EIF5A: variants seen among roughly 807,000 people sequenced by gnomAD.
EIF5A encodes the protein eukaryotic translation initiation factor 5A, also known as eukaryotic translation initiation factor 5A-1.
Under a neutral mutation model 16.6 loss-of-function variants are expected in EIF5A, and 1 was observed. The observed-to-expected ratio is 0.06, with a 90% CI of 0.02 to 0.28. EIF5A has a LOEUF of 0.28. Among genes scored for constraint, EIF5A ranks in the 10% least tolerant of loss-of-function variants. The pLI, the probability that EIF5A is intolerant of heterozygous loss-of-function variation, is 1.00. For missense variants in EIF5A, 29 were observed against 196.1 expected (o/e 0.15, Z 5.09); for synonymous variants, 80 against 73.6 (o/e 1.09, Z -0.44).
chr17:7,310,241 C>T, intron 2 of EIF5A: 1 of 1,289,924 alleles, frequency 7.8e-7, no homozygotes, highest in Non-Finnish European at 1.0e-6. Flanking sequence ...TTTCAGGTCA[C>T]CTTGCTGCTT....
At chr17:7,308,525 C>T in intron 1 of EIF5A, 3 of 1,351,598 alleles carry the variant, frequency 2.2e-6, no homozygotes, top group Non-Finnish European at 2.9e-6. Context: ...CTCAAGGGCC[C>T]CAGGAGCTTT....
intron 3 of EIF5A, 22 bp from the exon 4 acceptor site, chr17:7,311,328 C>G (rs1189445808): frequency 1.2e-6 from 2 of 1,613,992 alleles, no homozygotes; most frequent in African/African-American, 2.7e-5. Context: ...TACCTTCAGC[C>G]TCCTTCCCTA....
At chr17:7,307,440 A>G (rs1042567523), upstream of EIF5A, 20 of 1,060,590 alleles carry the variant, frequency 1.9e-5, no homozygotes, top group Non-Finnish European at 2.0e-5. Context: ...TTAGTTGAAA[A>G]CGCTCAGGGT....
chr17:7,311,200 A>G (rs2072815661), intron 3 of EIF5A, 78 bp downstream of exon 3: 6 of 1,583,832 alleles, frequency 3.8e-6, no homozygotes, highest in Non-Finnish European at 4.3e-6. Context: ...ACTGACCAGG[A>G]GAGCTTGTGC....
intron 1 of EIF5A, chr17:7,308,388 C>T (rs1335387788): frequency 5.1e-5 from 62 of 1,224,468 alleles, no homozygotes; most frequent in Non-Finnish European, 6.4e-5. Context: ...CCGGCAGCCC[C>T]TAGCGCGGGG....
In EIF5A at chr17:7,310,825, T is replaced by C. The variant is rs572387751; in HGVS notation, c.166-193T>C. On this transcript the variant is annotated intron_variant, in intron 2 of 5. Coordinates refer to ENST00000336458, the MANE Select transcript of EIF5A (RefSeq NM_001970.5). ...GTGCTGTCAACCCCAATCTCAACGG[T>C]GGTTTTTTAGCCTCTGTTTTTTTTC... is the stretch of plus-strand genomic sequence containing the variant. 1.0e-4 allele frequency: 100 copies of C among 985,416 alleles called. No individual in the cohort carries two copies. The African/African-American group carries it at 1.6e-3, about 16-fold the overall frequency. 61.0% of individuals were successfully genotyped at this position (985,416 alleles called of 1,614,324 possible). A position where few individuals can be genotyped will look rare whatever the true frequency, so the allele number is the denominator to read the frequency against.
intron 2 of EIF5A, chr17:7,310,349 T>C (rs1254826705): frequency 3.8e-5 from 47 of 1,231,718 alleles, no homozygotes; most frequent in Non-Finnish European, 4.6e-5. Flanking sequence ...TGAGCCTCCA[T>C]GCTTTCATGG....
upstream of EIF5A, chr17:7,307,562 A>G: frequency 2.0e-6 from 2 of 1,007,796 alleles, no homozygotes. Flanking sequence ...GGCGGAGGAG[A>G]TAGATAGCAC....
upstream of EIF5A, chr17:7,307,618 C>T (rs1347504812): frequency 9.8e-7 from 1 of 1,023,644 alleles, no homozygotes; most frequent in South Asian, 3.3e-5. Context: ...AGTGGGGAGT[C>T]GGCGCCTGCG....
chr17:7,310,213 C>G, intron 2 of EIF5A: 1 of 1,290,944 alleles, frequency 7.7e-7, no homozygotes, highest in Non-Finnish European at 1.0e-6. Context: ...TGGAGGGACT[C>G]CTGCGTCAAT....
chr17:7,309,630 C>T lies in EIF5A; in HGVS notation c.-6C>T, dbSNP rs2072754614. 1 of 1,614,230 alleles carries T rather than the reference C, an allele frequency of 6.2e-7. No individual in the cohort carries two copies. Among genetic ancestry groups the T allele is most frequent in the Non-Finnish European group, 8.5e-7 (1 of 1,180,046 alleles). ...TTGGCTCTAGTTGGAATCGAAGCCTCTTAAAATGGCAGATGACTTGGACTT... is the reference window on the plus strand; with the variant it reads ...TTGGCTCTAGTTGGAATCGAAGCCTTTTAAAATGGCAGATGACTTGGACTT... On this transcript the variant is annotated 5_prime_UTR_variant, in exon 2 of 6. Transcript: ENST00000336458.
At chr17:7,308,517 C>G in intron 1 of EIF5A, 1 of 1,351,574 alleles carries the variant, frequency 7.4e-7, no homozygotes, top group South Asian at 1.1e-5. Flanking sequence ...TTCCCAACCT[C>G]AAGGGCCCCA....
At chr17:7,307,139 A>G, upstream of EIF5A, 1 of 1,575,904 alleles carries the variant, frequency 6.3e-7, no homozygotes, top group East Asian at 2.3e-5. Flanking sequence ...GTCCAGTTAA[A>G]GCCGAGGTGG....
rs762998411 is a variant in EIF5A at position 7,311,677 on chromosome 17, C to T, written c.*11+26C>T. 1.4e-5 allele frequency: 22 copies of T among 1,613,216 alleles called. No homozygotes were observed. In the Admixed American group the frequency reaches 2.0e-4, roughly 15 times the overall value. On this transcript the variant is annotated intron_variant, in intron 5 of 5. Coordinates refer to ENST00000336458, the MANE Select transcript of EIF5A (RefSeq NM_001970.5). The stretch of plus-strand genomic sequence containing the variant: ...GTGAGTGTGACAAATCCCTCACTGT[C>T]CCCTTCACATTTTGTTGTCCTCAGC...
chr17:7,311,841 G>A lies in EIF5A; in HGVS notation c.*31G>A, dbSNP rs566176826. The A allele has an allele frequency of 2.5e-6, 2 of 811,784 alleles. No individual in the cohort carries two copies. Among genetic ancestry groups the A allele is most frequent in the South Asian group, 3.5e-5 (2 of 56,822 alleles). 50.3% of individuals were successfully genotyped at this position (811,784 alleles called of 1,614,324 possible). ...ACCTAGGGTGGCGGTGGTGGCAGCA[G>A]TGATCCTCTGAACCTGCAGAGGCCC... is the stretch of plus-strand genomic sequence containing the variant. On this transcript the variant is annotated 3_prime_UTR_variant, in exon 6 of 6. Coordinates refer to ENST00000336458, the MANE Select transcript of EIF5A (RefSeq NM_001970.5).
chr17:7,309,626 G>A lies in EIF5A; in HGVS notation c.-10G>A, dbSNP rs1329802489. The A allele has an allele frequency of 1.9e-6, 3 of 1,614,020 alleles. No homozygotes were observed. Among genetic ancestry groups the A allele is most frequent in the Non-Finnish European group, 2.5e-6 (3 of 1,180,036 alleles). On this transcript the variant is annotated 5_prime_UTR_variant, in exon 2 of 6. Coordinates refer to ENST00000336458, the MANE Select transcript of EIF5A (RefSeq NM_001970.5). ...CTTCTTGGCTCTAGTTGGAATCGAA[G>A]CCTCTTAAAATGGCAGATGACTTGG... is the stretch of plus-strand genomic sequence containing the variant.
chr17:7,310,837 C>T (rs1272391244), intron 2 of EIF5A, 181 bp from the exon 3 acceptor site: 8 of 985,188 alleles, frequency 8.1e-6, no homozygotes, highest in South Asian at 4.7e-5. Context: ...GTTTTTTAGC[C>T]TCTGTTTTTT....
chr17:7,311,687 T>G, intron 5 of EIF5A, 36 bp downstream of exon 5: 2 of 1,612,942 alleles, frequency 1.2e-6, no homozygotes, highest in South Asian at 1.1e-5. Context: ...CCCCTTCACA[T>G]TTTGTTGTCC....
intron 2 of EIF5A, 163 bp downstream of exon 2, chr17:7,309,963 C>T: frequency 6.5e-7 from 1 of 1,543,136 alleles, no homozygotes. Context: ...ACAACTACAC[C>T]TGCTCCCCAG....
Sources: gnomAD v4.1 joint callset for allele counts on GRCh38, gnomAD v4.1.1 for gene constraint, MANE v1.5 for transcripts, NCBI Gene and HGNC (gene_info 2026-07-23, HGNC 2026-07-21) for gene names.